NAALADL2: variants seen among roughly 807,000 people sequenced by gnomAD.
NAALADL2 encodes the protein N-acetylated alpha-linked acidic dipeptidase like 2.
NAALADL2 carries 76 observed loss-of-function variants against 87.2 expected under a neutral mutation model. The observed-to-expected ratio is 0.87, with a 90% CI of 0.72 to 1.05. The LOEUF is 1.05. Ranked by LOEUF, NAALADL2 falls within the 50% of genes least tolerant of loss-of-function variation. NAALADL2 has a pLI of 0.00. For synonymous variants in NAALADL2, 354 were observed against 331.0 expected (o/e 1.07, Z -0.75); for missense variants, 1,089 against 945.8 (o/e 1.15, Z -1.99).
rs79633893 is a variant in NAALADL2, at chr3:175,118,778, C to T, written c.545+21487C>T. ...CAATATCATGATGAATGGAGAATGA[C>T]ACCAGCTGCCCATTTATCTCCTAAG... On this transcript the variant is annotated intron_variant, in intron 2 of 13. Transcript: ENST00000454872. Among the ~76,000 whole-genome samples, 53 of 151,828 alleles carry T rather than the reference C, an allele frequency of 3.5e-4. No homozygotes were observed. In the East Asian group the frequency reaches 8.9e-3, roughly 26 times the overall value.
chr3:175,394,808 T>A (rs754856905), intron 5 of NAALADL2, among the ~76,000 whole-genome samples: 1 of 152,190 alleles, frequency 6.6e-6, no homozygotes, highest in Non-Finnish European at 1.5e-5. Flanking sequence ...GCACTAATCA[T>A]ATACTGTGAC....
chr3:174,693,338 G>A (rs977656086), intron 2 of NAALADL2, among the ~76,000 whole-genome samples: 3 of 152,040 alleles, frequency 2.0e-5, no homozygotes, highest in African/African-American at 7.2e-5. Context: ...TGGACCATAG[G>A]GTGTTGCATC....
intron 6 of NAALADL2, among the ~76,000 whole-genome samples, chr3:175,449,427 G>A (rs1163106469): frequency 4.2e-5 from 5 of 118,432 alleles, no homozygotes; most frequent in African/African-American, 1.3e-4. Flanking sequence ...ACAGAGTCTC[G>A]CTCTGTCTCC....
chr3:174,994,237 T>C (rs1747124641), intron 1 of NAALADL2, among the ~76,000 whole-genome samples: 1 of 152,158 alleles, frequency 6.6e-6, no homozygotes, highest in Admixed American at 6.5e-5. Flanking sequence ...GAAAATAGTA[T>C]TGGCTTGATA....
chr3:175,400,676 T>C (rs1770445449), intron 5 of NAALADL2, among the ~76,000 whole-genome samples: 4 of 152,100 alleles, frequency 2.6e-5, no homozygotes, highest in African/African-American at 4.8e-5. Flanking sequence ...ATTCTTAAAA[T>C]AGGTTTAAAG....
intron 2 of NAALADL2, among the ~76,000 whole-genome samples, chr3:175,218,361 A>T (rs1742859171): frequency 6.6e-6 from 1 of 152,208 alleles, no homozygotes; most frequent in Admixed American, 6.5e-5. Context: ...ATTATGAAAA[A>T]TCTTAACACC....
intron 5 of NAALADL2, among the ~76,000 whole-genome samples, chr3:175,435,303 G>C (rs1156369036): frequency 1.3e-5 from 2 of 151,806 alleles, no homozygotes; most frequent in Non-Finnish European, 2.9e-5. Flanking sequence ...TCTTTGTTTC[G>C]ATGTGACTAT....
chr3:175,084,729 T>C (rs542755368), intron 1 of NAALADL2, among the ~76,000 whole-genome samples: 2 of 152,264 alleles, frequency 1.3e-5, no homozygotes, highest in East Asian at 3.9e-4. Context: ...GGTCAAAGAA[T>C]TATCATAAGA....
intron 9 of NAALADL2, among the ~76,000 whole-genome samples, chr3:175,529,060 G>A (rs569294894): frequency 2.8e-4 from 43 of 152,276 alleles, no homozygotes; most frequent in Non-Finnish European, 2.6e-4. Flanking sequence ...GCCATTTGTA[G>A]TCCTGCCTGG....
intron 2 of NAALADL2, among the ~76,000 whole-genome samples, chr3:174,647,683 T>C (rs1441271938): frequency 6.6e-6 from 1 of 152,196 alleles, no homozygotes; most frequent in Non-Finnish European, 1.5e-5. Flanking sequence ...GTGACAGAGA[T>C]CTAAATCCTC....
chr3:175,150,034 T>C (rs1174163638), intron 2 of NAALADL2, among the ~76,000 whole-genome samples: 3 of 152,316 alleles, frequency 2.0e-5, no homozygotes, highest in African/African-American at 4.8e-5. Context: ...ATCATGCTAC[T>C]ACCTCAGGTA....
intron 2 of NAALADL2, among the ~76,000 whole-genome samples, chr3:175,156,365 C>T (rs977438127): frequency 6.0e-5 from 9 of 148,790 alleles, no homozygotes; most frequent in Admixed American, 2.0e-4. Context: ...ATTAATGTTT[C>T]GCATGAGTGA....
chr3:175,601,419 A>G (rs1722964258), intron 10 of NAALADL2, among the ~76,000 whole-genome samples: 1 of 152,180 alleles, frequency 6.6e-6, no homozygotes, highest in Non-Finnish European at 1.5e-5. Context: ...ATGATGTTGG[A>G]CACATTATGA....
At chr3:174,705,135 A>C (rs1368897374) in intron 2 of NAALADL2, among the ~76,000 whole-genome samples, 1 of 152,128 alleles carries the variant, frequency 6.6e-6, no homozygotes, top group Non-Finnish European at 1.5e-5. Context: ...ACAGGATGCC[A>C]TTCTGTCACA....
chr3:175,225,050 G>A (rs186699138), intron 2 of NAALADL2, among the ~76,000 whole-genome samples: 58 of 152,256 alleles, frequency 3.8e-4, no homozygotes, highest in Admixed American at 3.4e-3. Context: ...AGGAAGGAAG[G>A]TAGTCTGGGC....
chr3:174,756,760 C>T (rs80151609), intron 3 of NAALADL2, among the ~76,000 whole-genome samples: 2 of 152,160 alleles, frequency 1.3e-5, no homozygotes, highest in Non-Finnish European at 2.9e-5. Context: ...TGCTCTGATT[C>T]CTGATCTCGC....
At chr3:175,460,324 G>GCAT in intron 6 of NAALADL2, 1 of 393,342 alleles carries the variant, frequency 2.5e-6, no homozygotes, top group African/African-American at 2.1e-5. Context: ...AAAACAATAT[G>GCAT]CATCAGGATC....
chr3:175,251,198 C>T (rs1409748305), intron 3 of NAALADL2, among the ~76,000 whole-genome samples: 2 of 152,186 alleles, frequency 1.3e-5, no homozygotes, highest in Non-Finnish European at 2.9e-5. Flanking sequence ...GCCCACCACT[C>T]TTTGTCGTCA....
chr3:175,408,179 G>A (rs906592056), intron 5 of NAALADL2, among the ~76,000 whole-genome samples: 4 of 151,988 alleles, frequency 2.6e-5, no homozygotes, highest in African/African-American at 9.7e-5. Context: ...TTTATTTATA[G>A]GAGAGAACTC....
Sources: gnomAD v4.1 joint callset for allele counts (sites outside exome capture counted in the v4.1 genomes callset) on GRCh38, gnomAD v4.1.1 for gene constraint, MANE v1.5 for transcripts, NCBI Gene and HGNC (gene_info 2026-07-23, HGNC 2026-07-21) for gene names.